Variants in CAMKMT observed in about 807,000 individuals in gnomAD.
CAMKMT encodes the protein CaM KMT.
CAMKMT carries 53 observed loss-of-function variants against 48.0 expected under a neutral mutation model. The observed-to-expected ratio is 1.10, with a 90% CI of 0.89 to 1.39. CAMKMT has a LOEUF of 1.39. CAMKMT is among the 40% of genes most tolerant of loss of function. The probability of loss-of-function intolerance (pLI) is 0.00; values close to 1 mark genes in which losing one functional copy is unlikely to be tolerated. For missense variants in CAMKMT, 428 were observed against 402.7 expected (o/e 1.06, Z -0.54); for synonymous variants, 165 against 152.3 (o/e 1.08, Z -0.61).
chr2:44,707,351 G>A, intron 5 of CAMKMT, 48 bp from the exon 6 acceptor site: 1 of 1,561,022 alleles, frequency 6.4e-7, no homozygotes, highest in Non-Finnish European at 8.8e-7. Flanking sequence ...CTTCCACACA[G>A]ACAAGCATAT....
chr2:44,412,805 G>T (rs529780663), intron 3 of CAMKMT, among the ~76,000 whole-genome samples: 2 of 152,052 alleles, frequency 1.3e-5, no homozygotes, highest in East Asian at 3.9e-4. Context: ...GCTGGGCACG[G>T]TGGCTCACGC....
At chr2:44,731,513 A>G (rs1035023070) in intron 7 of CAMKMT, among the ~76,000 whole-genome samples, 4 of 152,222 alleles carry the variant, frequency 2.6e-5, no homozygotes, top group Admixed American at 6.5e-5. Flanking sequence ...GGGTGAACCC[A>G]TTTGACATTA....
chr2:44,631,135 AC>A (rs1295632315), intron 3 of CAMKMT, among the ~76,000 whole-genome samples: 1 of 152,218 alleles, frequency 6.6e-6, no homozygotes, highest in Non-Finnish European at 1.5e-5. Context: ...TTCTCAGTAA[AC>A]TATCGCAAGA....
intron 3 of CAMKMT, among the ~76,000 whole-genome samples, chr2:44,614,842 T>C (rs1671781206): frequency 6.6e-6 from 1 of 151,596 alleles, no homozygotes; most frequent in Non-Finnish European, 1.5e-5. Context: ...CTTCTTTTTC[T>C]TTTGCATCAT....
At chr2:44,497,483 AAG>A (rs1004828684) in intron 3 of CAMKMT, among the ~76,000 whole-genome samples, 1 of 152,118 alleles carries the variant, frequency 6.6e-6, no homozygotes, top group Admixed American at 6.5e-5. Context: ...GATAACAGAT[AAG>A]AGAGAGTAAA....
intron 3 of CAMKMT, among the ~76,000 whole-genome samples, chr2:44,587,201 A>G (rs1171611014): frequency 2.6e-5 from 4 of 152,166 alleles, no homozygotes; most frequent in Admixed American, 2.6e-4. Context: ...TCTGATGAGA[A>G]CTGCATTGAA....
chr2:44,375,496 A>T (rs1189509962), intron 2 of CAMKMT, among the ~76,000 whole-genome samples: 1 of 152,158 alleles, frequency 6.6e-6, no homozygotes, highest in African/African-American at 2.4e-5. Context: ...AAGAACTCTC[A>T]CCAGGCTGTG....
intron 3 of CAMKMT, among the ~76,000 whole-genome samples, chr2:44,584,825 C>T (rs1488543682): frequency 6.6e-6 from 1 of 151,904 alleles, no homozygotes; most frequent in Non-Finnish European, 1.5e-5. Context: ...GAGGCTGAAG[C>T]GGGTGGATCA....
chr2:44,458,115 C>T (rs946752536), intron 3 of CAMKMT, among the ~76,000 whole-genome samples: 4 of 138,608 alleles, frequency 2.9e-5, no homozygotes, highest in Non-Finnish European at 4.5e-5. Context: ...GGTGCATTCT[C>T]GGCTCACTGC....
chr2:44,431,568 C>T (rs1265580094), intron 3 of CAMKMT, among the ~76,000 whole-genome samples: 1 of 152,098 alleles, frequency 6.6e-6, no homozygotes, highest in Non-Finnish European at 1.5e-5. Flanking sequence ...CTTGCTGTGT[C>T]ACAGGCCTAA....
intron 2 of CAMKMT, among the ~76,000 whole-genome samples, chr2:44,382,251 A>T (rs1680324037): frequency 6.6e-6 from 1 of 151,658 alleles, no homozygotes; most frequent in African/African-American, 2.4e-5. Context: ...TGGAGGTTAA[A>T]TATTTTGCTC....
chr2:44,378,657 C>T (rs1198633140), intron 2 of CAMKMT, among the ~76,000 whole-genome samples: 1 of 152,116 alleles, frequency 6.6e-6, no homozygotes. Context: ...CCACGCCCAG[C>T]TAATTTTTGT....
chr2:44,574,013 T>C (rs1463271235), intron 3 of CAMKMT, among the ~76,000 whole-genome samples: 1 of 152,254 alleles, frequency 6.6e-6, no homozygotes, highest in Non-Finnish European at 1.5e-5. Flanking sequence ...TGAGTGTTTT[T>C]ATTTATTCTT....
chr2:44,577,842 C>T (rs186854808), intron 3 of CAMKMT, among the ~76,000 whole-genome samples: 32 of 152,248 alleles, frequency 2.1e-4, no homozygotes, highest in Admixed American at 4.6e-4. Context: ...CCAAAGTAAC[C>T]CTTATCTTCT....
At chr2:44,585,364 G>A (rs1238817741) in intron 3 of CAMKMT, among the ~76,000 whole-genome samples, 3 of 152,176 alleles carry the variant, frequency 2.0e-5, no homozygotes, top group Non-Finnish European at 1.5e-5. Flanking sequence ...CTTCAGAAAG[G>A]ATTTTGATTC....
intron 3 of CAMKMT, among the ~76,000 whole-genome samples, chr2:44,449,381 T>G (rs1041410076): frequency 6.6e-6 from 1 of 152,184 alleles, no homozygotes; most frequent in African/African-American, 2.4e-5. Flanking sequence ...CCTGATAATT[T>G]GTTTAACTGT....
intron 3 of CAMKMT, chr2:44,401,240 T>C (rs1682349677): frequency 6.6e-6 from 1 of 152,104 alleles, no homozygotes; most frequent in African/African-American, 2.4e-5. Context: ...TATATCTGAC[T>C]TCTCACCAGC....
At chr2:44,717,202 T>A (rs1678218230) in intron 7 of CAMKMT, among the ~76,000 whole-genome samples, 1 of 152,198 alleles carries the variant, frequency 6.6e-6, no homozygotes, top group African/African-American at 2.4e-5. Flanking sequence ...AGACTATATG[T>A]CAATAATAGT....
chr2:44,476,904 A>T (rs142305771), intron 3 of CAMKMT, among the ~76,000 whole-genome samples: 2 of 152,294 alleles, frequency 1.3e-5, no homozygotes, highest in African/African-American at 4.8e-5. Flanking sequence ...TACATGACAC[A>T]TGGTGGGTGC....
Sources: allele counts gnomAD v4.1 joint callset (sites outside exome capture counted in the v4.1 genomes callset), GRCh38; gene constraint gnomAD v4.1.1; transcripts MANE v1.5; gene names NCBI Gene and HGNC (gene_info 2026-07-23, HGNC 2026-07-21).